Variants in HGSNAT observed in about 807,000 individuals in gnomAD.
HGSNAT encodes heparan-alpha-glucosaminide N-acetyltransferase.
Under a neutral mutation model 85.2 loss-of-function variants are expected in HGSNAT, and 59 were observed. That is an observed-to-expected ratio of 0.69 (90% CI 0.56 to 0.86). The LOEUF is 0.86. HGSNAT is among the 40% of genes least tolerant of loss of function. HGSNAT has a pLI of 0.00. For synonymous variants in HGSNAT, 321 were observed against 304.5 expected (o/e 1.05, Z -0.56); for missense variants, 756 against 777.1 (o/e 0.97, Z 0.32).
chr8:43,159,372 G>A lies in HGSNAT; in HGVS notation c.493+328G>A, dbSNP rs189706972. On this transcript the variant is annotated intron_variant, in intron 4 of 17. Coordinates refer to ENST00000379644, the MANE Select transcript of HGSNAT (RefSeq NM_152419.3). ...GGAGGCCAAGGCAGGCAGATCACTCGAGCTCACAAGTTTGAGACGAGCCTG... is the reference window on the plus strand; with the variant it reads ...GGAGGCCAAGGCAGGCAGATCACTCAAGCTCACAAGTTTGAGACGAGCCTG... Among the ~76,000 whole-genome samples, 270 of 152,206 alleles carry A rather than the reference G, an allele frequency of 1.8e-3. 11 individuals are homozygous for A. The highest frequency in any genetic ancestry group is 0.017 in the Admixed American group (253 of 15,282).
intron 14 of HGSNAT, chr8:43,194,056 A>AC: frequency 7.6e-7 from 1 of 1,318,370 alleles, no homozygotes; most frequent in Non-Finnish European, 9.7e-7. Flanking sequence ...TATTCTCAAA[A>AC]AAATTCTTAC....
At chr8:43,155,064 CA>C (rs746564310) in intron 2 of HGSNAT, among the ~76,000 whole-genome samples, 4 of 151,976 alleles carry the variant, frequency 2.6e-5, no homozygotes, top group Non-Finnish European at 5.9e-5. Flanking sequence ...GTAAATTTGA[CA>C]AACTGATTTT....
intron 2 of HGSNAT, among the ~76,000 whole-genome samples, chr8:43,154,355 G>T (rs552413798): frequency 2.2e-4 from 17 of 77,580 alleles, no homozygotes; most frequent in Non-Finnish European, 3.8e-4. Context: ...TCCCCCCACC[G>T]CACAGCAGGT....
At chr8:43,194,299 G>A (rs1434683961) in intron 14 of HGSNAT, 2 of 697,502 alleles carry the variant, frequency 2.9e-6, no homozygotes, top group Admixed American at 5.9e-5. Context: ...CTTGGGAGCT[G>A]AGGTAGGAGT....
intron 2 of HGSNAT, among the ~76,000 whole-genome samples, chr8:43,148,233 ACT>A (rs898771626): frequency 3.3e-5 from 5 of 152,076 alleles, no homozygotes; most frequent in Admixed American, 2.0e-4. Context: ...CAAAAGCGAA[ACT>A]CTGTCTCAAA....
At chr8:43,177,426 C>T (rs1056985764) in intron 9 of HGSNAT, among the ~76,000 whole-genome samples, 7 of 151,744 alleles carry the variant, frequency 4.6e-5, no homozygotes, top group African/African-American at 1.2e-4. Context: ...GGCACGGTGG[C>T]GGGCACCTGT....
chr8:43,155,515 G>A (rs1348712091), intron 2 of HGSNAT, among the ~76,000 whole-genome samples: 6 of 152,084 alleles, frequency 3.9e-5, no homozygotes, highest in Non-Finnish European at 8.8e-5. Flanking sequence ...AGATGGTAGT[G>A]TGTGAATATT....
rs1803180318 is a variant in HGSNAT, at chr8:43,158,916, T to C, written c.372-7T>C. On this transcript the variant is annotated splice_region_variant and splice_polypyrimidine_tract_variant and intron_variant, in intron 3 of 17. Coordinates refer to ENST00000379644, the MANE Select transcript of HGSNAT (RefSeq NM_152419.3). ...CCACTTGTCTTAATTTTACCTAATGTTTGTAGGTTGGAATACAGATTTGGA... is the reference window on the plus strand; with the variant it reads ...CCACTTGTCTTAATTTTACCTAATGCTTGTAGGTTGGAATACAGATTTGGA... The C allele has an allele frequency of 6.2e-7, 1 of 1,601,652 alleles. No homozygotes were observed. Among genetic ancestry groups the C allele is most frequent in the African/African-American group, 1.3e-5 (1 of 74,720 alleles).
At position 43,189,052 on chromosome 8, in the gene HGSNAT, G is replaced by A. The variant is rs192732431; in HGVS notation, c.1129-2422G>A. 3.9e-3 allele frequency among the ~76,000 whole-genome samples: 601 copies of A among 152,322 alleles called. 2 individuals carry two copies. Among genetic ancestry groups the A allele is most frequent in the African/African-American group, 0.014 (579 of 41,558 alleles). ...GGTGTCAGTCGGTCCCTACTGGGAGGTGTCTCCCATTTAGGCTACTTGGGG... is the reference window on the plus strand; with the variant it reads ...GGTGTCAGTCGGTCCCTACTGGGAGATGTCTCCCATTTAGGCTACTTGGGG... On this transcript the variant is annotated intron_variant, in intron 11 of 17. Coordinates refer to ENST00000379644, the MANE Select transcript of HGSNAT (RefSeq NM_152419.3).
In HGSNAT at chr8:43,156,426, C is replaced by T. The variant is rs141799376; in HGVS notation, c.235-2149C>T. ...GTTCAAGTGATTTTCCTGCCTCAGC[C>T]TCCCACGTAACTGGGATTATAGGTG... On this transcript the variant is annotated intron_variant, in intron 2 of 17. Coordinates refer to ENST00000379644, the MANE Select transcript of HGSNAT (RefSeq NM_152419.3). Among the ~76,000 whole-genome samples, 668 of 152,262 alleles carry T rather than the reference C, an allele frequency of 4.4e-3. 8 individuals are homozygous for T. The highest frequency in any genetic ancestry group is 0.015 in the African/African-American group (639 of 41,552).
intron 14 of HGSNAT, chr8:43,194,609 C>T (rs1563384193): frequency 1.3e-6 from 1 of 751,794 alleles, no homozygotes; most frequent in Non-Finnish European, 1.6e-6. Context: ...GGCTCTCCTC[C>T]CAAGGTGGCA....
chr8:43,149,592 C>T (rs2130687098), intron 2 of HGSNAT, among the ~76,000 whole-genome samples: 1 of 151,092 alleles, frequency 6.6e-6, no homozygotes, highest in South Asian at 2.1e-4. Flanking sequence ...CCCAGCTACT[C>T]AGGAGGCTGA....
rs1586758179 is a variant in HGSNAT, at chr8:43,197,876, C to T, written c.1650C>T (p.Ala550=). ...ATGTCACTACGCTCAGTTCTTTTGCCTTCTTCATCCTGCTGGTCCTGTACC... is the reference window on the plus strand; with the variant it reads ...ATGTCACTACGCTCAGTTCTTTTGCTTTCTTCATCCTGCTGGTCCTGTACC... ...LSYVTTLSSF[A]FFILLVLYPV... The change falls in exon 17 of 18, where the codon GCC becomes GCT. Residue 550 remains alanine (A), a synonymous_variant. Coordinates refer to ENST00000379644, the MANE Select transcript of HGSNAT (RefSeq NM_152419.3). The T allele has an allele frequency of 6.2e-7, 1 of 1,614,004 alleles. No individual in the cohort carries two copies. The highest frequency in any genetic ancestry group is 8.5e-7 in the Non-Finnish European group (1 of 1,179,882).
intron 1 of HGSNAT, among the ~76,000 whole-genome samples, chr8:43,145,554 C>G (rs535305715): frequency 1.3e-5 from 2 of 152,190 alleles, no homozygotes; most frequent in East Asian, 3.9e-4. Context: ...AGATCGAGAC[C>G]ATCCTGGCCA....
In HGSNAT at chr8:43,194,332, AGGCTGC is replaced by A. The variant is rs1452261952; in HGVS notation, c.1464+490_1464+495del. ...AGTATGGCTTGAACCAAGGAGGTTG[AGGCTGC>A]AGTGAGCCTTGATTGCACCACTGCA... On this transcript the variant is annotated intron_variant, in intron 14 of 17. Transcript: ENST00000379644. 5.4e-6 allele frequency: 5 copies of A among 920,166 alleles called. No homozygotes were observed. The East Asian group carries it at 4.7e-4, about 87-fold the overall frequency. The allele number at this position is 920,166 out of a possible 1,614,324, so 57.0% of individuals were successfully genotyped here.
At chr8:43,181,788 T>C (rs1804133808) in intron 10 of HGSNAT, 1 of 235,958 alleles carries the variant, frequency 4.2e-6, no homozygotes, top group Non-Finnish European at 8.3e-6. Flanking sequence ...GACGTGCGGG[T>C]TGATTGCAAA....
At chr8:43,185,622 C>G (rs1342757753) in intron 11 of HGSNAT, among the ~76,000 whole-genome samples, 1 of 152,108 alleles carries the variant, frequency 6.6e-6, no homozygotes, top group Non-Finnish European at 1.5e-5. Context: ...AATTGAATAC[C>G]TTTTATTTCT....
chr8:43,145,691 C>T (rs1314743409), intron 1 of HGSNAT, among the ~76,000 whole-genome samples: 1 of 151,864 alleles, frequency 6.6e-6, no homozygotes, highest in Non-Finnish European at 1.5e-5. Context: ...GTAGAGGTTG[C>T]AGTGAGCCGA....
At chr8:43,190,317 G>A (rs894966120) in intron 11 of HGSNAT, among the ~76,000 whole-genome samples, 3 of 152,170 alleles carry the variant, frequency 2.0e-5, no homozygotes, top group South Asian at 2.1e-4. Context: ...TAATAAAGCC[G>A]TGTTGTCTTC....
Sources: allele counts gnomAD v4.1 joint callset (sites outside exome capture counted in the v4.1 genomes callset), GRCh38; gene constraint gnomAD v4.1.1; transcripts MANE v1.5; gene names NCBI Gene and HGNC (gene_info 2026-07-23, HGNC 2026-07-21).